RIPOR2: variants seen among roughly 807,000 people sequenced by gnomAD.
RIPOR2 encodes rho family-interacting cell polarization regulator 2.
A neutral mutation model predicts 114.5 loss-of-function variants in RIPOR2; 39 were observed. The ratio of observed to expected loss-of-function variants is 0.34; its 90% CI spans 0.26 to 0.44. RIPOR2 has a LOEUF of 0.44. Ranked by LOEUF, RIPOR2 falls within the 20% of genes least tolerant of loss-of-function variation. The pLI, the probability that RIPOR2 is intolerant of heterozygous loss-of-function variation, is 1.00. For missense variants in RIPOR2, 1,007 were observed against 1,255.1 expected, an observed-to-expected ratio of 0.80 and a Z score of 2.99; for synonymous variants, 445 against 484.4, an observed-to-expected ratio of 0.92 and a Z score of 1.07.
chr6:25,011,636 A>ATTACTT (rs1775778315), intron 1 of RIPOR2, among the ~76,000 whole-genome samples: 1 of 152,240 alleles, frequency 6.6e-6, no homozygotes, highest in East Asian at 1.9e-4. Flanking sequence ...ATTCTTTAAT[A>ATTACTT]AAGCACAGGC....
chr6:24,952,524 G>A (rs1334576729), intron 1 of RIPOR2, among the ~76,000 whole-genome samples: 1 of 152,190 alleles, frequency 6.6e-6, no homozygotes, highest in African/African-American at 2.4e-5. Flanking sequence ...GTTGGGAAGA[G>A]ATGCACAGTA....
At chr6:24,878,634 A>G (rs1766043889) in intron 1 of RIPOR2, among the ~76,000 whole-genome samples, 1 of 152,128 alleles carries the variant, frequency 6.6e-6, no homozygotes, top group Admixed American at 6.5e-5. Flanking sequence ...CCTGGCTCCT[A>G]TCCCCAGGCA....
intron 1 of RIPOR2, among the ~76,000 whole-genome samples, chr6:25,036,215 G>C (rs1192158676): frequency 6.6e-6 from 1 of 152,184 alleles, no homozygotes; most frequent in Non-Finnish European, 1.5e-5. Context: ...GTCGCCAGTG[G>C]TATCTCTGAG....
chr6:24,850,018 AT>A, intron 10 of RIPOR2, 68 bp from the exon 11 acceptor site: 61 of 1,362,014 alleles, frequency 4.5e-5, no homozygotes, highest in East Asian at 9.7e-5. Context: ...ATAATGTGTC[AT>A]TTTTTTTACT....
chr6:24,841,984 C>T (rs563123858), intron 13 of RIPOR2, among the ~76,000 whole-genome samples: 1 of 152,252 alleles, frequency 6.6e-6, no homozygotes, highest in South Asian at 2.1e-4. Context: ...GCCCCTGCAA[C>T]CTTACTTTCA....
chr6:24,917,973 C>T (rs1272457202), intron 1 of RIPOR2, among the ~76,000 whole-genome samples: 1 of 152,224 alleles, frequency 6.6e-6, no homozygotes, highest in African/African-American at 2.4e-5. Context: ...GTCCCTGGGT[C>T]TGATGCAGTC....
intron 1 of RIPOR2, among the ~76,000 whole-genome samples, chr6:24,930,530 C>G (rs1464164068): frequency 6.6e-6 from 1 of 152,154 alleles, no homozygotes; most frequent in East Asian, 1.9e-4. Context: ...GTGCAATGTG[C>G]TATTTTAGTT....
chr6:24,995,800 ATTTT>A (rs35560241), intron 1 of RIPOR2, among the ~76,000 whole-genome samples: 63 of 136,712 alleles, frequency 4.6e-4, no homozygotes, highest in African/African-American at 1.5e-3. Flanking sequence ...AACTAGAGTG[ATTTT>A]TTTTTTTTTT....
chr6:24,822,960 TG>T (rs1410394285), intron 19 of RIPOR2, among the ~76,000 whole-genome samples: 3 of 152,232 alleles, frequency 2.0e-5, no homozygotes, highest in African/African-American at 7.2e-5. Context: ...CAGAAGCCCC[TG>T]TCACCATGCA....
In RIPOR2 at chr6:25,024,537, G is replaced by T. The variant is rs1241744500; in HGVS notation, c.76+17314C>A. 2.1e-5 allele frequency: 13 copies of T among 629,094 alleles called. No individual in the cohort carries two copies. In the East Asian group the frequency reaches 4.1e-4, roughly 20 times the overall value. 39.0% of individuals were successfully genotyped at this position (629,094 alleles called of 1,614,324 possible). ...CCAGCGTCTGGAATCTGTCTTCAGGGTGCAGTGAACCACTCGGGCTCAGGC... is the reference window on the plus strand; with the variant it reads ...CCAGCGTCTGGAATCTGTCTTCAGGTTGCAGTGAACCACTCGGGCTCAGGC... On this transcript the variant is annotated intron_variant, in intron 1 of 13. Transcript: ENST00000510784.
At chr6:24,893,343 A>G (rs1186316363) in intron 1 of RIPOR2, among the ~76,000 whole-genome samples, 1 of 152,196 alleles carries the variant, frequency 6.6e-6, no homozygotes, top group Non-Finnish European at 1.5e-5. Flanking sequence ...GTCTAGCATA[A>G]AGTAGGTGAG....
intron 1 of RIPOR2, among the ~76,000 whole-genome samples, chr6:25,010,795 A>C (rs1434882393): frequency 6.6e-6 from 1 of 152,162 alleles, no homozygotes; most frequent in Non-Finnish European, 1.5e-5. Context: ...TGGTGCTACA[A>C]GGGACACTAG....
intron 1 of RIPOR2, among the ~76,000 whole-genome samples, chr6:24,948,573 C>T (rs1772581940): frequency 6.6e-6 from 1 of 151,478 alleles, no homozygotes; most frequent in African/African-American, 2.4e-5. Context: ...CTCTTGTTGC[C>T]CAGGCTGGAG....
At position 24,897,191 on chromosome 6, in the gene RIPOR2, A is replaced by C. The variant is rs144016666; in HGVS notation, c.62-21374T>G. On this transcript the variant is annotated intron_variant, in intron 1 of 21. Coordinates refer to ENST00000643898, the MANE Select transcript of RIPOR2 (RefSeq NM_001286445.3). ...TCAAATGGGATGAGCAGAGTTCAGA[A>C]TGTGAACTAGGCAATGTCTTTCACA... Among the ~76,000 whole-genome samples the C allele has an allele frequency of 2.7e-3, 415 of 152,378 alleles. 2 individuals carry two copies. Among genetic ancestry groups the C allele is most frequent in the Non-Finnish European group, 4.8e-3 (329 of 68,042 alleles).
At chr6:24,952,629 G>T (rs1012566580) in intron 1 of RIPOR2, among the ~76,000 whole-genome samples, 2 of 152,140 alleles carry the variant, frequency 1.3e-5, no homozygotes, top group African/African-American at 4.8e-5. Flanking sequence ...GATGAGTATT[G>T]AGTATTTATT....
chr6:24,830,909 T>C (rs930241031), intron 16 of RIPOR2, among the ~76,000 whole-genome samples: 2 of 151,976 alleles, frequency 1.3e-5, no homozygotes, highest in African/African-American at 4.8e-5. Context: ...AGAGATGAGG[T>C]ATTACCATGT....
chr6:24,847,615 T>A (rs1252582550), intron 12 of RIPOR2: 4 of 1,551,634 alleles, frequency 2.6e-6, no homozygotes, highest in Non-Finnish European at 3.5e-6. Context: ...GCGGTGCAGC[T>A]TGGCAAAGAA....
At chr6:24,945,709 A>G (rs2114187771) in intron 1 of RIPOR2, among the ~76,000 whole-genome samples, 1 of 152,288 alleles carries the variant, frequency 6.6e-6, no homozygotes, top group East Asian at 1.9e-4. Flanking sequence ...TAAGATGTTA[A>G]TTGTAATCCC....
intron 8 of RIPOR2, among the ~76,000 whole-genome samples, chr6:24,859,954 T>C (rs1763896040): frequency 6.6e-6 from 1 of 152,090 alleles, no homozygotes. Context: ...GGCCAAAACT[T>C]GGAAGAGAAA....
Sources: gnomAD v4.1 joint callset for allele counts (sites outside exome capture counted in the v4.1 genomes callset) on GRCh38, gnomAD v4.1.1 for gene constraint, MANE v1.5 for transcripts, NCBI Gene and HGNC (gene_info 2026-07-23, HGNC 2026-07-21) for gene names.